Variants in MOB3B observed in about 807,000 individuals in gnomAD.
The protein encoded by MOB3B is MOB kinase activator 3B.
In MOB3B, 7 loss-of-function variants were observed where a neutral mutation model predicts 18.7. That is an observed-to-expected ratio of 0.37 (90% CI 0.21 to 0.70). The LOEUF (loss-of-function observed/expected upper bound fraction) is 0.70. Among genes scored for constraint, MOB3B ranks in the 30% least tolerant of loss-of-function variants. MOB3B has a pLI of 0.52. For missense variants in MOB3B, 253 were observed against 281.3 expected (o/e 0.90, Z 0.72); for synonymous variants, 111 against 99.9 (o/e 1.11, Z -0.66).
At chr9:27,388,452 A>G (rs1821677447) in intron 2 of MOB3B, among the ~76,000 whole-genome samples, 1 of 152,054 alleles carries the variant, frequency 6.6e-6, no homozygotes, top group African/African-American at 2.4e-5. Flanking sequence ...CTAGGCTCAG[A>G]GTATCTTTTT....
intron 3 of MOB3B, among the ~76,000 whole-genome samples, chr9:27,338,039 G>A (rs1316860597): frequency 6.6e-6 from 1 of 152,132 alleles, no homozygotes; most frequent in African/African-American, 2.4e-5. Context: ...GTCCTCAACA[G>A]CACTGGCTGG....
chr9:27,418,330 C>G (rs895824833), intron 2 of MOB3B, among the ~76,000 whole-genome samples: 1 of 151,982 alleles, frequency 6.6e-6, no homozygotes, highest in Non-Finnish European at 1.5e-5. Context: ...CCCTAATTCA[C>G]TCTATGAAGC....
intron 2 of MOB3B, among the ~76,000 whole-genome samples, chr9:27,404,607 C>T (rs889809522): frequency 6.6e-6 from 1 of 152,072 alleles, no homozygotes; most frequent in African/African-American, 2.4e-5. Flanking sequence ...ATCCACCCGC[C>T]TTGGCCTCCC....
chr9:27,342,955 C>A lies in MOB3B; in HGVS notation c.622-12339G>T, dbSNP rs185212075. On this transcript the variant is annotated intron_variant, in intron 3 of 3. Coordinates refer to ENST00000262244, the MANE Select transcript of MOB3B (RefSeq NM_024761.5). Reference sequence around the variant, plus strand: ...GTCTGGGAAGTGAGGAGCCCCTCTGCCCGGCCGCCACCCCGTCTGGGAGGT... The same window carrying A: ...GTCTGGGAAGTGAGGAGCCCCTCTGACCGGCCGCCACCCCGTCTGGGAGGT... 8.9e-3 allele frequency among the ~76,000 whole-genome samples: 1,342 copies of A among 151,024 alleles called. 33 individuals carry two copies. The highest frequency in any genetic ancestry group is 0.031 in the African/African-American group (1,252 of 40,522).
At chr9:27,488,438 C>T (rs551615670) in intron 1 of MOB3B, among the ~76,000 whole-genome samples, 1 of 152,232 alleles carries the variant, frequency 6.6e-6, no homozygotes, top group South Asian at 2.1e-4. Flanking sequence ...GATGGTGTCT[C>T]GCTCTGTTGC....
intron 2 of MOB3B, among the ~76,000 whole-genome samples, chr9:27,441,413 T>G (rs981858410): frequency 1.3e-5 from 2 of 152,174 alleles, no homozygotes; most frequent in African/African-American, 4.8e-5. Context: ...CTGGCATCAC[T>G]ACTCTTGCAC....
chr9:27,515,862 A>G (rs1052057801), intron 1 of MOB3B, among the ~76,000 whole-genome samples: 1 of 152,224 alleles, frequency 6.6e-6, no homozygotes, highest in African/African-American at 2.4e-5. Context: ...CTGAAGTTCT[A>G]ATCCCCAATA....
intron 2 of MOB3B, among the ~76,000 whole-genome samples, chr9:27,384,258 T>C (rs1019959758): frequency 6.6e-6 from 1 of 152,160 alleles, no homozygotes; most frequent in Non-Finnish European, 1.5e-5. Context: ...CCTAAGTTCA[T>C]ACACTTTTTT....
intron 1 of MOB3B, among the ~76,000 whole-genome samples, chr9:27,475,475 C>T (rs1459991526): frequency 6.6e-6 from 1 of 152,162 alleles, no homozygotes; most frequent in Non-Finnish European, 1.5e-5. Context: ...TAATCACATA[C>T]AAAAGGAAAC....
At chr9:27,340,162 T>G (rs1215836170) in intron 3 of MOB3B, among the ~76,000 whole-genome samples, 2 of 152,242 alleles carry the variant, frequency 1.3e-5, no homozygotes, top group Non-Finnish European at 2.9e-5. Context: ...ACAGCCCACA[T>G]TACTGACACG....
At chr9:27,374,161 G>A (rs1017285695) in intron 2 of MOB3B, among the ~76,000 whole-genome samples, 13 of 151,822 alleles carry the variant, frequency 8.6e-5, no homozygotes, top group South Asian at 6.2e-4. Context: ...TCTCAGGGCT[G>A]CCCAATTCAT....
intron 2 of MOB3B, among the ~76,000 whole-genome samples, chr9:27,390,450 A>G (rs1821711417): frequency 6.6e-6 from 1 of 151,912 alleles, no homozygotes; most frequent in African/African-American, 2.4e-5. Context: ...GATCCTCCCC[A>G]CTCAGCCTCC....
intron 1 of MOB3B, among the ~76,000 whole-genome samples, chr9:27,509,595 T>C (rs1232823096): frequency 6.6e-6 from 1 of 151,624 alleles, no homozygotes; most frequent in Non-Finnish European, 1.5e-5. Flanking sequence ...TTTTGTATTT[T>C]CAGTAGAGAT....
chr9:27,503,075 T>C (rs1315376763), intron 1 of MOB3B, among the ~76,000 whole-genome samples: 1 of 152,144 alleles, frequency 6.6e-6, no homozygotes, highest in East Asian at 1.9e-4. Context: ...GTTTCCCAAT[T>C]CAGTGAAGCA....
At chr9:27,350,922 G>C (rs1453177434) in intron 3 of MOB3B, among the ~76,000 whole-genome samples, 1 of 134,290 alleles carries the variant, frequency 7.4e-6, no homozygotes, top group Non-Finnish European at 1.6e-5. Flanking sequence ...TTTTTTTTAA[G>C]ACGAAGTCTC....
intron 3 of MOB3B, among the ~76,000 whole-genome samples, chr9:27,334,269 G>A (rs1488049750): frequency 1.3e-5 from 2 of 152,120 alleles, no homozygotes; most frequent in African/African-American, 4.8e-5. Flanking sequence ...AATTGTGTAT[G>A]TTTTCTGTTT....
chr9:27,334,933 C>G (rs1489499685), intron 3 of MOB3B, among the ~76,000 whole-genome samples: 1 of 152,222 alleles, frequency 6.6e-6, no homozygotes, highest in Non-Finnish European at 1.5e-5. Context: ...ACGCCATTCT[C>G]CAGCCTCAGC....
chr9:27,415,612 T>C (rs58049359), intron 2 of MOB3B, among the ~76,000 whole-genome samples: 48,899 of 152,062 alleles, frequency 0.32, 8,287 homozygotes, highest in Non-Finnish European at 0.37. Context: ...ACTTACATTT[T>C]ATATCAGTGT....
At chr9:27,492,220 AG>A (rs1819830034) in intron 1 of MOB3B, among the ~76,000 whole-genome samples, 1 of 152,168 alleles carries the variant, frequency 6.6e-6, no homozygotes, top group African/African-American at 2.4e-5. Flanking sequence ...GTAAAAATGA[AG>A]GGGGATTACG....
Sources: gnomAD v4.1 joint callset for allele counts (sites outside exome capture counted in the v4.1 genomes callset) on GRCh38, gnomAD v4.1.1 for gene constraint, MANE v1.5 for transcripts, NCBI Gene and HGNC (gene_info 2026-07-23, HGNC 2026-07-21) for gene names.